The following PRORP variants were observed in gnomAD, a reference collection of about 807,000 sequenced individuals.
The protein encoded by PRORP is mitochondrial ribonuclease P catalytic subunit.
PRORP carries 51 observed loss-of-function variants against 59.4 expected under a neutral mutation model. The observed-to-expected ratio is 0.86, with a 90% CI of 0.69 to 1.08. The LOEUF is 1.08. PRORP is among the 50% of genes least tolerant of loss of function. The probability of loss-of-function intolerance (pLI) is 0.00; values close to 1 mark genes in which losing one functional copy is unlikely to be tolerated. For missense variants in PRORP, 646 were observed against 690.3 expected (o/e 0.94, Z 0.72); for synonymous variants, 231 against 245.6 (o/e 0.94, Z 0.55).
In PRORP at chr14:35,127,415, A is replaced by T. The variant is rs1397234710; in HGVS notation, c.1035-64A>T. ...AATTTCCTCATTGTTCATTTCACAA[A>T]TTTTTTTCCCCAGAACATTATTCGA... On this transcript the variant is annotated intron_variant, in intron 3 of 7. Transcript: ENST00000534898. The T allele has an allele frequency of 8.0e-7, 1 of 1,251,912 alleles. No homozygotes were observed. Among genetic ancestry groups the T allele is most frequent in the Non-Finnish European group, 1.1e-6 (1 of 940,100 alleles). The allele number at this position is 1,251,912 out of a possible 1,614,324, so 77.6% of individuals were successfully genotyped here.
intron 5 of PRORP, among the ~76,000 whole-genome samples, chr14:35,238,937 CATTAAT>C (rs2050289383): frequency 6.6e-6 from 1 of 152,140 alleles, no homozygotes; most frequent in African/African-American, 2.4e-5. Flanking sequence ...AGAGTCCTTT[CATTAAT>C]ATTAAGTGAT....
chr14:35,245,839 G>C (rs1474638447), intron 5 of PRORP, among the ~76,000 whole-genome samples: 2 of 152,098 alleles, frequency 1.3e-5, no homozygotes, highest in Non-Finnish European at 2.9e-5. Context: ...CCAATTTCCT[G>C]TCTTCCTCTT....
chr14:35,195,393 A>G lies in PRORP; in HGVS notation c.1275+14616A>G, dbSNP rs184062149. On this transcript the variant is annotated intron_variant, in intron 5 of 7. Transcript: ENST00000534898. ...AAGGTACCCATGATACATGAAAAAG[A>G]CAAGTTGAAAACAAAATATACAGGA... Among the ~76,000 whole-genome samples the G allele has an allele frequency of 2.7e-3, 407 of 152,266 alleles. 3 individuals carry two copies. The highest frequency in any genetic ancestry group is 9.6e-3 in the African/African-American group (399 of 41,574).
At chr14:35,210,357 T>C (rs976260868) in intron 5 of PRORP, among the ~76,000 whole-genome samples, 1 of 152,234 alleles carries the variant, frequency 6.6e-6, no homozygotes. Context: ...TGTTTCATCT[T>C]ATTCTCTGCT....
intron 5 of PRORP, among the ~76,000 whole-genome samples, chr14:35,187,533 G>A (rs554885241): frequency 5.3e-4 from 80 of 150,242 alleles, no homozygotes; most frequent in African/African-American, 1.9e-3. Context: ...AGCAATTCTC[G>A]TGGCTCAGAC....
In PRORP at chr14:35,256,896, C is replaced by T. The variant is rs148482088; in HGVS notation, c.1276-9831C>T. Among the ~76,000 whole-genome samples, 458 of 146,802 alleles carry T rather than the reference C, an allele frequency of 3.1e-3. 5 individuals carry two copies. The highest frequency in any genetic ancestry group is 9.6e-3 in the African/African-American group (382 of 39,736). ...TTTTTTTTTTTTTCTTTTTTGAGAC[C>T]GAGTCTCGCTCTGTTGCCCAGGCTA... On this transcript the variant is annotated intron_variant, in intron 5 of 7. Coordinates refer to ENST00000534898, the MANE Select transcript of PRORP (RefSeq NM_014672.4).
intron 6 of PRORP, among the ~76,000 whole-genome samples, chr14:35,269,836 A>G (rs190378891): frequency 7.9e-5 from 12 of 152,298 alleles, no homozygotes; most frequent in Non-Finnish European, 1.2e-4. Flanking sequence ...TATTAAAATA[A>G]TAAGTGCTAA....
chr14:35,244,453 T>TA (rs1232348310), intron 5 of PRORP, among the ~76,000 whole-genome samples: 3 of 152,088 alleles, frequency 2.0e-5, no homozygotes, highest in Admixed American at 1.3e-4. Context: ...TATCTTTTTT[T>TA]TTTTTTAACT....
intron 5 of PRORP, among the ~76,000 whole-genome samples, chr14:35,188,834 G>A (rs1004195921): frequency 6.6e-6 from 1 of 151,540 alleles, no homozygotes; most frequent in African/African-American, 2.4e-5. Flanking sequence ...AAATTAGCTG[G>A]GTGTGGTGGT....
chr14:35,200,000 T>C (rs184737491), intron 5 of PRORP, among the ~76,000 whole-genome samples: 53 of 152,300 alleles, frequency 3.5e-4, no homozygotes, highest in South Asian at 2.1e-3. Flanking sequence ...GGTAATCTTA[T>C]TGGGTTTAAG....
intron 5 of PRORP, among the ~76,000 whole-genome samples, chr14:35,238,595 T>C (rs561180422): frequency 4.6e-5 from 7 of 152,340 alleles, no homozygotes; most frequent in Non-Finnish European, 8.8e-5. Flanking sequence ...TCTAGGACTT[T>C]GGGAAAAATA....
intron 4 of PRORP, among the ~76,000 whole-genome samples, chr14:35,144,946 A>AC (rs2047569105): frequency 6.9e-6 from 1 of 145,558 alleles, no homozygotes; most frequent in East Asian, 2.3e-4. Context: ...AGTACTCAGT[A>AC]TATTTTCTAT....
intron 6 of PRORP, among the ~76,000 whole-genome samples, chr14:35,267,945 G>C (rs1288852291): frequency 6.6e-6 from 1 of 152,168 alleles, no homozygotes; most frequent in Admixed American, 6.5e-5. Flanking sequence ...GCAGATCCTG[G>C]TAGACAAGCA....
At chr14:35,159,061 G>A in intron 4 of PRORP, 1 of 248,406 alleles carries the variant, frequency 4.0e-6, no homozygotes, top group Non-Finnish European at 8.0e-6. Context: ...CGGTGCTGCT[G>A]TTGACGCTCC....
intron 4 of PRORP, among the ~76,000 whole-genome samples, chr14:35,147,000 A>T (rs2047628460): frequency 6.6e-6 from 1 of 151,912 alleles, no homozygotes; most frequent in Non-Finnish European, 1.5e-5. Context: ...TGGAAGGCTG[A>T]GTTTGTAGGA....
intron 4 of PRORP, among the ~76,000 whole-genome samples, chr14:35,153,412 A>AGAGG (rs1387254885): frequency 6.6e-6 from 1 of 151,600 alleles, no homozygotes; most frequent in Non-Finnish European, 1.5e-5. Flanking sequence ...GTGGGGAGAG[A>AGAGG]GGGATCTCTA....
intron 4 of PRORP, among the ~76,000 whole-genome samples, chr14:35,132,300 A>T (rs1595164882): frequency 6.7e-6 from 1 of 150,260 alleles, no homozygotes; most frequent in East Asian, 2.0e-4. Context: ...TCTACAAAAT[A>T]TATAAAAATT....
At chr14:35,173,904 G>A (rs2048379967) in intron 4 of PRORP, among the ~76,000 whole-genome samples, 1 of 152,038 alleles carries the variant, frequency 6.6e-6, no homozygotes, top group Non-Finnish European at 1.5e-5. Context: ...TCTCATCGGT[G>A]TGGTGATTGA....
At chr14:35,212,206 T>A (rs1015279670) in intron 5 of PRORP, among the ~76,000 whole-genome samples, 2 of 152,162 alleles carry the variant, frequency 1.3e-5, no homozygotes, top group African/African-American at 2.4e-5. Flanking sequence ...AGCAACTTCC[T>A]CCACTGAATT....
Sources: gnomAD v4.1 joint callset for allele counts (sites outside exome capture counted in the v4.1 genomes callset) on GRCh38, gnomAD v4.1.1 for gene constraint, MANE v1.5 for transcripts, NCBI Gene and HGNC (gene_info 2026-07-23, HGNC 2026-07-21) for gene names.